TMTC2: variants seen among roughly 807,000 people sequenced by gnomAD.
TMTC2 encodes protein O-mannosyl-transferase TMTC2.
A neutral mutation model predicts 82.4 loss-of-function variants in TMTC2; 43 were observed. That is an observed-to-expected ratio of 0.52 (90% CI 0.41 to 0.67). The LOEUF is 0.67. TMTC2 is among the 30% of genes least tolerant of loss of function. TMTC2 has a pLI of 0.00. For missense variants in TMTC2, 919 were observed against 1,012.4 expected (o/e 0.91, Z 1.25); for synonymous variants, 408 against 381.9 (o/e 1.07, Z -0.80).
intron 1 of TMTC2, among the ~76,000 whole-genome samples, chr12:82,749,831 G>A (rs200375301): frequency 6.8e-6 from 1 of 146,400 alleles, no homozygotes; most frequent in South Asian, 2.2e-4. Flanking sequence ...TCCGCCTCCC[G>A]GGTTCAAGCA....
chr12:82,995,736 G>A (rs1879588694), intron 8 of TMTC2, among the ~76,000 whole-genome samples: 1 of 152,152 alleles, frequency 6.6e-6, no homozygotes, highest in Admixed American at 6.5e-5. Context: ...CATATAAGGT[G>A]GATTGTTTTG....
intron 1 of TMTC2, among the ~76,000 whole-genome samples, chr12:82,807,391 C>G (rs576974449): frequency 2.0e-5 from 3 of 151,984 alleles, no homozygotes; most frequent in Admixed American, 2.0e-4. Context: ...TAACTAGTTC[C>G]CTTTCATTCA....
chr12:83,089,317 T>TA (rs1160605983), intron 11 of TMTC2, among the ~76,000 whole-genome samples: 1 of 152,226 alleles, frequency 6.6e-6, no homozygotes, highest in Non-Finnish European at 1.5e-5. Flanking sequence ...TTACACAAAT[T>TA]AACTTGATTT....
chr12:82,946,275 A>G (rs1428211376), intron 4 of TMTC2, among the ~76,000 whole-genome samples: 1 of 152,212 alleles, frequency 6.6e-6, no homozygotes, highest in Non-Finnish European at 1.5e-5. Flanking sequence ...TTTTATATAT[A>G]TTCTTAGTGT....
intron 1 of TMTC2, among the ~76,000 whole-genome samples, chr12:82,842,300 G>C (rs1369164122): frequency 6.6e-6 from 1 of 152,126 alleles, no homozygotes; most frequent in Non-Finnish European, 1.5e-5. Flanking sequence ...GTGTTTTATT[G>C]TGTCTGTTTA....
At chr12:83,082,951 T>G (rs996845934) in intron 11 of TMTC2, among the ~76,000 whole-genome samples, 1 of 152,234 alleles carries the variant, frequency 6.6e-6, no homozygotes, top group Admixed American at 6.5e-5. Flanking sequence ...GTTTAGGCTC[T>G]GGAATCAAAA....
intron 1 of TMTC2, among the ~76,000 whole-genome samples, chr12:82,736,730 A>G (rs1253381116): frequency 6.6e-6 from 1 of 152,210 alleles, no homozygotes; most frequent in Non-Finnish European, 1.5e-5. Context: ...GAGAAGTACA[A>G]ACCAAGATTG....
At chr12:83,032,022 C>G (rs537131191) in intron 9 of TMTC2, among the ~76,000 whole-genome samples, 2 of 151,842 alleles carry the variant, frequency 1.3e-5, no homozygotes, top group South Asian at 4.2e-4. Flanking sequence ...ATAGGTTTTC[C>G]TATATGAAGT....
At chr12:83,098,577 T>G (rs1884108814) in intron 11 of TMTC2, among the ~76,000 whole-genome samples, 1 of 152,228 alleles carries the variant, frequency 6.6e-6, no homozygotes, top group African/African-American at 2.4e-5. Flanking sequence ...AAAATACCCT[T>G]TGACATAGCA....
intron 1 of TMTC2, among the ~76,000 whole-genome samples, chr12:82,756,759 A>G (rs1321586886): frequency 6.6e-6 from 1 of 152,092 alleles, no homozygotes; most frequent in Non-Finnish European, 1.5e-5. Context: ...TTTTTGGAAG[A>G]CATCCACCCT....
intron 7 of TMTC2, among the ~76,000 whole-genome samples, chr12:82,970,479 C>T (rs1878403677): frequency 6.7e-6 from 1 of 148,318 alleles, no homozygotes. Context: ...CTACAGGCGC[C>T]CGCCACCGCG....
At chr12:83,096,097 T>C (rs911555704) in intron 11 of TMTC2, among the ~76,000 whole-genome samples, 2 of 152,388 alleles carry the variant, frequency 1.3e-5, no homozygotes, top group East Asian at 1.9e-4. Flanking sequence ...TATTCAAATA[T>C]GCCTTCTACA....
intron 1 of TMTC2, among the ~76,000 whole-genome samples, chr12:82,715,627 T>C (rs1873860359): frequency 6.6e-6 from 1 of 152,146 alleles, no homozygotes. Flanking sequence ...GTAGTTCTTT[T>C]CTTTGTTGGG....
intron 1 of TMTC2, among the ~76,000 whole-genome samples, chr12:82,814,490 A>G (rs1207447838): frequency 6.6e-6 from 1 of 152,172 alleles, no homozygotes; most frequent in South Asian, 2.1e-4. Flanking sequence ...TGACAAAATG[A>G]ATGTATGTTG....
intron 8 of TMTC2, among the ~76,000 whole-genome samples, 195 bp from the exon 9 acceptor site, chr12:83,030,603 T>G (rs562490744): frequency 6.6e-6 from 1 of 152,274 alleles, no homozygotes; most frequent in East Asian, 1.9e-4. Flanking sequence ...TCTTCATGCC[T>G]TCCAGGGTTC....
intron 1 of TMTC2, among the ~76,000 whole-genome samples, chr12:82,780,738 TAAAG>T (rs1343420600): frequency 6.6e-6 from 1 of 152,240 alleles, no homozygotes; most frequent in African/African-American, 2.4e-5. Context: ...AGGCAAATCT[TAAAG>T]AAGGCACGTG....
At chr12:82,709,742 A>G (rs897668455) in intron 1 of TMTC2, among the ~76,000 whole-genome samples, 8 of 152,218 alleles carry the variant, frequency 5.3e-5, no homozygotes, top group African/African-American at 1.9e-4. Flanking sequence ...GTATGTTATA[A>G]TACTTATTTA....
chr12:82,693,991 A>AAG (rs1872688292), intron 1 of TMTC2, among the ~76,000 whole-genome samples: 1 of 147,806 alleles, frequency 6.8e-6, no homozygotes. Context: ...AAAAAAAAAA[A>AAG]GGTGTAAATG....
intron 1 of TMTC2, among the ~76,000 whole-genome samples, chr12:82,806,482 G>A (rs1323736626): frequency 6.6e-6 from 1 of 152,066 alleles, no homozygotes; most frequent in Admixed American, 6.6e-5. Flanking sequence ...GATACGGAAC[G>A]TGGATATACA....
Sources: allele counts gnomAD v4.1 joint callset (sites outside exome capture counted in the v4.1 genomes callset), GRCh38; gene constraint gnomAD v4.1.1; transcripts MANE v1.5; gene names NCBI Gene and HGNC (gene_info 2026-07-23, HGNC 2026-07-21).